ACAP2: variants seen among roughly 807,000 people sequenced by gnomAD.
ACAP2 encodes the protein ArfGAP with coiled-coil, ankyrin repeat and PH domains 2.
A neutral mutation model predicts 115.8 loss-of-function variants in ACAP2; 39 were observed. The ratio of observed to expected loss-of-function variants is 0.34; its 90% CI spans 0.26 to 0.44. ACAP2 has a LOEUF of 0.44. ACAP2 is among the 20% of genes least tolerant of loss of function. The pLI, the probability that ACAP2 is intolerant of heterozygous loss-of-function variation, is 1.00. For missense variants in ACAP2, 662 were observed against 927.6 expected (o/e 0.71, Z 3.72); for synonymous variants, 289 against 315.8 (o/e 0.92, Z 0.90).
chr3:195,336,759 C>T, intron 7 of ACAP2, 173 bp downstream of exon 7: 1 of 621,396 alleles, frequency 1.6e-6, no homozygotes, highest in South Asian at 2.0e-5. Context: ...ACAACTGTAA[C>T]ATGAAGGAGA....
At chr3:195,288,585 C>T (rs576715970) in intron 21 of ACAP2, among the ~76,000 whole-genome samples, 22 of 152,208 alleles carry the variant, frequency 1.4e-4, no homozygotes, top group Admixed American at 6.5e-4. Context: ...CGGCCAGGCG[C>T]GGTGGCTCAC....
At chr3:195,441,183 T>C (rs1440014031) in intron 1 of ACAP2, among the ~76,000 whole-genome samples, 1 of 152,104 alleles carries the variant, frequency 6.6e-6, no homozygotes, top group Non-Finnish European at 1.5e-5. Context: ...CTACATCTTC[T>C]AAGGGAAAAA....
intron 9 of ACAP2, among the ~76,000 whole-genome samples, chr3:195,324,509 A>G (rs191555903): frequency 1.3e-5 from 2 of 152,158 alleles, no homozygotes; most frequent in Non-Finnish European, 2.9e-5. Flanking sequence ...ATCCGAGCAC[A>G]TTGGGAGGCC....
rs113844193 is a variant in ACAP2, at chr3:195,420,732, T to G, written c.53+22063A>C. Among the ~76,000 whole-genome samples the G allele has an allele frequency of 3.2e-3, 491 of 152,052 alleles. 3 individuals carry two copies. Among genetic ancestry groups the G allele is most frequent in the African/African-American group, 0.011 (469 of 41,474 alleles). ...ATCTCAGCTCACTGCAACCTCCAGC[T>G]CCCAGGTTCAAGTGATTCTCCCGCC... On this transcript the variant is annotated intron_variant, in intron 1 of 22. Transcript: ENST00000326793.
At chr3:195,354,806 T>A (rs1446503848) in intron 4 of ACAP2, among the ~76,000 whole-genome samples, 2 of 152,246 alleles carry the variant, frequency 1.3e-5, no homozygotes, top group African/African-American at 4.8e-5. Context: ...AAATTTTCTA[T>A]ACACTTGAAT....
At chr3:195,363,853 A>ACCTTTGTT (rs1437910596) in intron 4 of ACAP2, among the ~76,000 whole-genome samples, 1 of 152,254 alleles carries the variant, frequency 6.6e-6, no homozygotes, top group Non-Finnish European at 1.5e-5. Flanking sequence ...GGTGCCAAGA[A>ACCTTTGTT]CATGCAACAG....
At chr3:195,293,243 A>G (rs1458652993) in intron 18 of ACAP2, among the ~76,000 whole-genome samples, 1 of 152,152 alleles carries the variant, frequency 6.6e-6, no homozygotes, top group East Asian at 1.9e-4. Context: ...ACCAAACCTC[A>G]CTTCATTCCT....
chr3:195,320,688 T>C lies in ACAP2; in HGVS notation c.857+13A>G, dbSNP rs750200923. On this transcript the variant is annotated intron_variant, in intron 10 of 22. Coordinates refer to ENST00000326793, the MANE Select transcript of ACAP2 (RefSeq NM_012287.6). The stretch of plus-strand genomic sequence containing the variant: ...CTATGTATAGATCAAGACTAGTATT[T>C]GAAATATATTACCTGTTCCAAGTTT... 1 of 1,585,554 alleles carries C rather than the reference T, an allele frequency of 6.3e-7. No homozygotes were observed. Among genetic ancestry groups the C allele is most frequent in the South Asian group, 1.1e-5 (1 of 90,428 alleles).
At chr3:195,343,921 T>C (rs1278919428) in intron 5 of ACAP2, among the ~76,000 whole-genome samples, 7 of 152,232 alleles carry the variant, frequency 4.6e-5, no homozygotes, top group Admixed American at 2.6e-4. Flanking sequence ...CATCACAAAG[T>C]AATTTATAAA....
chr3:195,302,214 A>AT lies in ACAP2; in HGVS notation c.1117-41_1117-40insA, dbSNP rs1553846465. 176 of 1,524,350 alleles carry AT rather than the reference A, an allele frequency of 1.2e-4. No homozygotes were observed. The Middle Eastern group carries it at 2.3e-3, about 20-fold the overall frequency. The allele number at this position is 1,524,350 out of a possible 1,614,324, so 94.4% of individuals were successfully genotyped here. A position where few individuals can be genotyped will look rare whatever the true frequency, so the allele number is the denominator to read the frequency against. ...AATTACTTGTTTTTAAAAAAAAAAA[A>AT]GATTGAAATACTTTGTTGCACACTA... On this transcript the variant is annotated intron_variant, in intron 13 of 22. Transcript: ENST00000326793.
At chr3:195,423,501 T>C (rs1714351581) in intron 1 of ACAP2, among the ~76,000 whole-genome samples, 1 of 151,390 alleles carries the variant, frequency 6.6e-6, no homozygotes, top group South Asian at 2.1e-4. Context: ...CAGGCGCCTG[T>C]AATCCCAGCT....
chr3:195,319,314 T>C (rs1032959801), intron 10 of ACAP2, among the ~76,000 whole-genome samples: 5 of 152,262 alleles, frequency 3.3e-5, no homozygotes, highest in African/African-American at 1.2e-4. Flanking sequence ...CCACATATAG[T>C]CCCCACTGTG....
At chr3:195,363,837 G>A (rs1045565124) in intron 4 of ACAP2, among the ~76,000 whole-genome samples, 6 of 152,090 alleles carry the variant, frequency 3.9e-5, no homozygotes, top group African/African-American at 7.2e-5. Flanking sequence ...ACTCATTTTC[G>A]ACAAAGGTGC....
intron 12 of ACAP2, 137 bp from the exon 13 acceptor site, chr3:195,306,753 T>C (rs1728447342): frequency 3.3e-6 from 2 of 608,066 alleles, no homozygotes; most frequent in Non-Finnish European, 5.5e-6. Flanking sequence ...AAGAAGGTTT[T>C]ATTTCATGTA....
At chr3:195,425,026 CAAAAAAAA>C (rs10690317) in intron 1 of ACAP2, among the ~76,000 whole-genome samples, 136 of 26,632 alleles carry the variant, frequency 5.1e-3, no homozygotes, top group African/African-American at 0.015. Flanking sequence ...GACTCCGTCT[CAAAAAAAA>C]AAAAAAAAAA....
At chr3:195,400,101 C>A (rs1426952511) in intron 1 of ACAP2, among the ~76,000 whole-genome samples, 1 of 151,768 alleles carries the variant, frequency 6.6e-6, no homozygotes, top group Non-Finnish European at 1.5e-5. Context: ...TCGCTTGAAC[C>A]TGGGAGCCAA....
intron 4 of ACAP2, among the ~76,000 whole-genome samples, chr3:195,359,158 G>A (rs1732180897): frequency 6.6e-6 from 1 of 152,142 alleles, no homozygotes; most frequent in African/African-American, 2.4e-5. Flanking sequence ...ATCAACACCA[G>A]ACCTGTCCTA....
At chr3:195,438,530 G>A (rs1715756573) in intron 1 of ACAP2, among the ~76,000 whole-genome samples, 1 of 152,052 alleles carries the variant, frequency 6.6e-6, no homozygotes, top group Admixed American at 6.6e-5. Context: ...ACATAACTGA[G>A]GTGTATTTAG....
At chr3:195,356,301 AG>A in intron 4 of ACAP2, 1 of 410,564 alleles carries the variant, frequency 2.4e-6, no homozygotes, top group Non-Finnish European at 5.0e-6. Flanking sequence ...CCCCAGGGAC[AG>A]GACAATCACA....
Sources: gnomAD v4.1 joint callset for allele counts (sites outside exome capture counted in the v4.1 genomes callset) on GRCh38, gnomAD v4.1.1 for gene constraint, MANE v1.5 for transcripts, NCBI Gene and HGNC (gene_info 2026-07-23, HGNC 2026-07-21) for gene names.